Variants in LRRFIP1 observed in about 807,000 individuals in gnomAD.
The protein encoded by LRRFIP1 is LRR binding FLII interacting protein 1.
In LRRFIP1, 62 loss-of-function variants were observed where a neutral mutation model predicts 104.4. That is an observed-to-expected ratio of 0.59 (90% CI 0.48 to 0.73). The LOEUF (loss-of-function observed/expected upper bound fraction) is 0.73, where lower values mean the gene tolerates loss of function less well. Ranked by LOEUF, LRRFIP1 falls within the 30% of genes least tolerant of loss-of-function variation. The pLI is 0.00. For synonymous variants in LRRFIP1, 300 were observed against 299.0 expected, an observed-to-expected ratio of 1.00 and a Z score of -0.03; for missense variants, 796 against 824.5, an observed-to-expected ratio of 0.97 and a Z score of 0.42.
chr2:237,773,648 C>A (rs2060838951), intron 22 of LRRFIP1, among the ~76,000 whole-genome samples: 1 of 152,210 alleles, frequency 6.6e-6, no homozygotes, highest in South Asian at 2.1e-4. Flanking sequence ...GAGGCCCGCC[C>A]TCCCTGGTGT....
rs2087766438 is a variant in LRRFIP1, at chr2:237,660,786, C to G, written c.96+33046C>G. ...GAGCTAGATTGTTTAGCAAGAAAAG[C>G]TTCAACACACAAGTTCAGTGAAAAA... On this transcript the variant is annotated intron_variant, in intron 1 of 23. Coordinates refer to ENST00000308482, the MANE Select transcript of LRRFIP1 (RefSeq NM_001137550.2). 3.3e-5 allele frequency among the ~76,000 whole-genome samples: 5 copies of G among 152,194 alleles called. No homozygotes were observed. The South Asian group carries it at 1.0e-3, about 31-fold the overall frequency.
chr2:237,708,770 C>A, intron 2 of LRRFIP1, 140 bp downstream of exon 2: 1 of 960,196 alleles, frequency 1.0e-6, no homozygotes, highest in Non-Finnish European at 1.6e-6. Context: ...GCGCCTGTGA[C>A]TTCTGCCCAA....
chr2:237,736,583 T>C (rs983285791), intron 10 of LRRFIP1, among the ~76,000 whole-genome samples: 1 of 152,210 alleles, frequency 6.6e-6, no homozygotes, highest in African/African-American at 2.4e-5. Flanking sequence ...CAGATGCTAC[T>C]GTGTCACGTC....
rs951616599 is a variant in LRRFIP1 at position 237,780,252 on chromosome 2, T to A, written c.*720T>A. ...TTAATCCTTATATTTGGAATTGAAG[T>A]CGTTAACTTCTTTTAAAGAATGTAC... On this transcript the variant is annotated 3_prime_UTR_variant, in exon 24 of 24. Transcript: ENST00000308482. 6.6e-6 allele frequency: 1 copy of A among 152,228 alleles called. No individual in the cohort carries two copies. Among genetic ancestry groups the A allele is most frequent in the African/African-American group, 2.4e-5 (1 of 41,460 alleles). The allele number at this position is 152,228 out of a possible 1,614,324, so 9.4% of individuals were successfully genotyped here. A position where few individuals can be genotyped will look rare whatever the true frequency, so the allele number is the denominator to read the frequency against.
chr2:237,721,206 G>A (rs539959789), intron 6 of LRRFIP1: 4 of 180,548 alleles, frequency 2.2e-5, no homozygotes, highest in South Asian at 1.3e-4. Context: ...TGGTAAAATC[G>A]GAACCTCTAT....
chr2:237,635,326 A>G (rs1453727139), intron 1 of LRRFIP1, among the ~76,000 whole-genome samples: 1 of 152,228 alleles, frequency 6.6e-6, no homozygotes, highest in Non-Finnish European at 1.5e-5. Context: ...ATATACAGAA[A>G]ATAAAGATAG....
chr2:237,647,050 T>C lies in LRRFIP1; in HGVS notation c.96+19310T>C. ...AAGGCTCCTGACCATGATGGTTTGTTGTAAACTTCCCCACTTAACAGTATC... is the reference window on the plus strand; with the variant it reads ...AAGGCTCCTGACCATGATGGTTTGTCGTAAACTTCCCCACTTAACAGTATC... On this transcript the variant is annotated intron_variant, in intron 1 of 23. Transcript: ENST00000308482. Among the ~76,000 whole-genome samples the C allele has an allele frequency of 1.3e-5, 2 of 152,072 alleles. 1 individual carries two copies. Among genetic ancestry groups the C allele is most frequent in the Non-Finnish European group, 2.9e-5 (2 of 67,980 alleles).
chr2:237,668,253 C>T (rs2089797895), intron 1 of LRRFIP1, among the ~76,000 whole-genome samples: 1 of 152,110 alleles, frequency 6.6e-6, no homozygotes, highest in African/African-American at 2.4e-5. Context: ...GGCCCCACCA[C>T]ACCTGCATCT....
rs1244164814 is a variant in LRRFIP1 at position 237,735,446 on chromosome 2, G to A, written c.555+113G>A. On this transcript the variant is annotated intron_variant, in intron 10 of 23. Coordinates refer to ENST00000308482, the MANE Select transcript of LRRFIP1 (RefSeq NM_001137550.2). This position sits in a 1 kb window ranked among gnomAD's most constrained non-coding sequence, Gnocchi z 4.6. ...TGACTGGCCATTCTCAGGAGGAAGC[G>A]CCGAGTCACCGGGCTAACCGCCACC... The A allele has an allele frequency of 1.6e-5, 15 of 955,718 alleles. No individual in the cohort carries two copies. Among genetic ancestry groups the A allele is most frequent in the African/African-American group, 5.0e-5 (3 of 60,198 alleles). The allele number at this position is 955,718 out of a possible 1,614,324, so 59.2% of individuals were successfully genotyped here.
At chr2:237,746,665 A>G (rs532946709) in intron 11 of LRRFIP1, among the ~76,000 whole-genome samples, 7 of 152,164 alleles carry the variant, frequency 4.6e-5, no homozygotes, top group Admixed American at 1.3e-4. Context: ...GCAAATGCAG[A>G]TGGTATGGGC....
At chr2:237,720,356 T>C (rs2094496351) in intron 5 of LRRFIP1, among the ~76,000 whole-genome samples, 1 of 152,152 alleles carries the variant, frequency 6.6e-6, no homozygotes, top group South Asian at 2.1e-4. Flanking sequence ...CAAGTGATTC[T>C]CATGCCTCAG....
intron 1 of LRRFIP1, among the ~76,000 whole-genome samples, chr2:237,634,402 G>A (rs918988980): frequency 3.3e-5 from 5 of 152,190 alleles, no homozygotes; most frequent in Admixed American, 1.3e-4. Flanking sequence ...TTCACTGGCA[G>A]GACAGACTGC....
intron 19 of LRRFIP1, chr2:237,763,147 C>T (rs779290849): frequency 3.7e-6 from 6 of 1,614,170 alleles, no homozygotes. Context: ...AATTCACCAA[C>T]CAGGAAGCAG....
chr2:237,738,257 C>T (rs2095312582), intron 10 of LRRFIP1, among the ~76,000 whole-genome samples: 1 of 147,840 alleles, frequency 6.8e-6, no homozygotes, highest in South Asian at 2.1e-4. Flanking sequence ...TCTTGAGCAC[C>T]CGTGAAGATC....
chr2:237,719,237 G>A (rs1200218951), intron 4 of LRRFIP1, among the ~76,000 whole-genome samples: 4 of 152,208 alleles, frequency 2.6e-5, no homozygotes, highest in Non-Finnish European at 5.9e-5. Flanking sequence ...TCAGATGATA[G>A]AGGTTAGAAA....
At chr2:237,688,918 T>C (rs2092584859) in intron 1 of LRRFIP1, among the ~76,000 whole-genome samples, 1 of 152,072 alleles carries the variant, frequency 6.6e-6, no homozygotes, top group Non-Finnish European at 1.5e-5. Flanking sequence ...TTTGTGTATC[T>C]CCATGTTTCT....
chr2:237,756,679 G>A (rs2059299921), intron 16 of LRRFIP1, among the ~76,000 whole-genome samples: 1 of 152,140 alleles, frequency 6.6e-6, no homozygotes, highest in Admixed American at 6.5e-5. Flanking sequence ...CTAGATTTAC[G>A]AAACAGTCCC....
At chr2:237,671,974 T>C (rs1411584563) in intron 1 of LRRFIP1, among the ~76,000 whole-genome samples, 1 of 151,554 alleles carries the variant, frequency 6.6e-6, no homozygotes, top group African/African-American at 2.4e-5. Context: ...TTCACCGGGT[T>C]GAGGGTTTCT....
At chr2:237,680,581 G>A (rs2091696876) in intron 1 of LRRFIP1, among the ~76,000 whole-genome samples, 1 of 152,222 alleles carries the variant, frequency 6.6e-6, no homozygotes, top group South Asian at 2.1e-4. Context: ...TATCCCAGTG[G>A]TTGGAAGGGG....
Sources: allele counts gnomAD v4.1 joint callset (sites outside exome capture counted in the v4.1 genomes callset), GRCh38; gene constraint gnomAD v4.1.1; non-coding constraint Gnocchi (gnomAD v3.1); transcripts MANE v1.5; gene names NCBI Gene and HGNC (gene_info 2026-07-23, HGNC 2026-07-21).